The following COL4A2 variants were observed in gnomAD, a reference collection of about 807,000 sequenced individuals.
COL4A2 encodes the protein collagen type IV alpha 2 chain, also known as collagen alpha-2(IV) chain.
Under a neutral mutation model 200.2 loss-of-function variants are expected in COL4A2, and 99 were observed. The observed-to-expected ratio is 0.49, with a 90% CI of 0.42 to 0.58. The LOEUF is 0.58. Ranked by LOEUF, COL4A2 falls within the 20% of genes least tolerant of loss-of-function variation. COL4A2 has a pLI of 0.00. For synonymous variants in COL4A2, 897 were observed against 900.6 expected (o/e 1.00, Z 0.07); for missense variants, 1,950 against 2,314.1 (o/e 0.84, Z 3.23).
intron 4 of COL4A2, among the ~76,000 whole-genome samples, chr13:110,383,306 A>G (rs913787248): frequency 7.9e-5 from 12 of 152,216 alleles, no homozygotes; most frequent in African/African-American, 2.9e-4. Context: ...CTCTTGGGGG[A>G]CAAAAGGAAG....
chr13:110,323,240 A>G (rs948613499), intron 3 of COL4A2, among the ~76,000 whole-genome samples: 8 of 152,136 alleles, frequency 5.3e-5, no homozygotes, highest in Non-Finnish European at 1.2e-4. Flanking sequence ...TTAGATTCCT[A>G]TGACTGGACA....
In COL4A2 at chr13:110,381,448, A is replaced by G. The variant is rs76587274; in HGVS notation, c.180+23896A>G. ...AAAAATCTAAAATACTGTAAATCCT[A>G]TTGGGAAATAACAGTTATTAAACCT... On this transcript the variant is annotated intron_variant, in intron 4 of 47. Coordinates refer to ENST00000360467, the MANE Select transcript of COL4A2 (RefSeq NM_001846.4). Among the ~76,000 whole-genome samples the G allele has an allele frequency of 5.1e-4, 77 of 152,344 alleles. No individual in the cohort carries two copies. In the East Asian group the frequency reaches 0.014, roughly 28 times the overall value.
intron 7 of COL4A2, 58 bp from the exon 8 acceptor site, chr13:110,429,827 C>T (rs1594209444): frequency 7.8e-6 from 12 of 1,539,752 alleles, no homozygotes; most frequent in South Asian, 4.5e-5. Flanking sequence ...ATAGCTGCAC[C>T]GAATGTTAAT....
At chr13:110,409,174 TAC>T (rs1022352951) in intron 4 of COL4A2, among the ~76,000 whole-genome samples, 8 of 151,636 alleles carry the variant, frequency 5.3e-5, no homozygotes, top group African/African-American at 1.7e-4. Context: ...TATACACATG[TAC>T]ACACATACAC....
At position 110,422,309 on chromosome 13, in the gene COL4A2, A is replaced by G. The variant is rs559076087; in HGVS notation, c.181-2425A>G. Among the ~76,000 whole-genome samples the G allele has an allele frequency of 7.9e-5, 12 of 152,344 alleles. No individual in the cohort carries two copies. The South Asian group carries it at 2.1e-3, about 26-fold the overall frequency. Reference sequence around the variant, plus strand: ...GGAATCAAAACATAGTTTGTTCCCAAACTTAACAACAAATGTCGTGTAGGA... The same window carrying G: ...GGAATCAAAACATAGTTTGTTCCCAGACTTAACAACAAATGTCGTGTAGGA... On this transcript the variant is annotated intron_variant, in intron 4 of 47. Coordinates refer to ENST00000360467, the MANE Select transcript of COL4A2 (RefSeq NM_001846.4).
intron 39 of COL4A2, among the ~76,000 whole-genome samples, chr13:110,493,828 C>G (rs1049680161): frequency 6.9e-6 from 1 of 145,276 alleles, no homozygotes; most frequent in African/African-American, 2.5e-5. Context: ...CTGGGGGGGG[C>G]CGCGTCCTGG....
rs752561861 is a variant in COL4A2 at position 110,493,292 on chromosome 13, G to A, written c.3634+10G>A. 6.2e-7 allele frequency: 1 copy of A among 1,613,958 alleles called. No homozygotes were observed. Among genetic ancestry groups the A allele is most frequent in the South Asian group, 1.1e-5 (1 of 91,084 alleles). ...TTTCCAGGATCCCCAGGTACTCTGT[G>A]CCGTCCCAGCCCCGAGTCCCACGCA... On this transcript the variant is annotated intron_variant, in intron 39 of 47. Transcript: ENST00000360467.
At chr13:110,308,012 G>T (rs1293984764) in intron 2 of COL4A2, 57 bp from the exon 3 acceptor site, 1 of 1,611,168 alleles carries the variant, frequency 6.2e-7, no homozygotes, top group African/African-American at 1.3e-5. Flanking sequence ...GTAACTCTCG[G>T]GGACTGACAA....
intron 17 of COL4A2, among the ~76,000 whole-genome samples, chr13:110,446,359 A>T (rs949988914): frequency 2.0e-5 from 3 of 152,154 alleles, no homozygotes; most frequent in Non-Finnish European, 4.4e-5. Flanking sequence ...GGTGAGGCTC[A>T]AAGAGGTGAA....
chr13:110,391,189 G>C (rs545528356), intron 4 of COL4A2, among the ~76,000 whole-genome samples: 143 of 152,356 alleles, frequency 9.4e-4, no homozygotes, highest in Middle Eastern at 3.4e-3. Flanking sequence ...TGGATTGGCT[G>C]TGGTGGGGTC....
At chr13:110,383,584 G>T (rs1398704822) in intron 4 of COL4A2, among the ~76,000 whole-genome samples, 2 of 133,062 alleles carry the variant, frequency 1.5e-5, no homozygotes, top group Non-Finnish European at 1.6e-5. Flanking sequence ...GCAATCAGTG[G>T]TTATTTTGTG....
intron 4 of COL4A2, among the ~76,000 whole-genome samples, chr13:110,418,806 T>C (rs758942271): frequency 3.3e-5 from 5 of 152,226 alleles, no homozygotes; most frequent in Non-Finnish European, 5.9e-5. Context: ...ATCTGTGTAA[T>C]ATACTGTACA....
intron 27 of COL4A2, among the ~76,000 whole-genome samples, 176 bp downstream of exon 27, chr13:110,467,272 A>G (rs1376334135): frequency 6.6e-6 from 1 of 152,186 alleles, no homozygotes; most frequent in Non-Finnish European, 1.5e-5. Context: ...GTCATTTGCC[A>G]CTATAGAAAA....
intron 3 of COL4A2, among the ~76,000 whole-genome samples, chr13:110,331,114 A>G (rs959604298): frequency 1.3e-5 from 2 of 152,106 alleles, no homozygotes; most frequent in African/African-American, 4.8e-5. Context: ...AAAGATCACA[A>G]TGGTCTTACC....
intron 4 of COL4A2, among the ~76,000 whole-genome samples, chr13:110,423,591 T>C (rs1425191575): frequency 6.6e-6 from 1 of 152,240 alleles, no homozygotes; most frequent in South Asian, 2.1e-4. Context: ...TTGAGTCATA[T>C]TGGCGTGTCT....
intron 25 of COL4A2, 124 bp from the exon 26 acceptor site, chr13:110,465,879 A>C: frequency 1.6e-6 from 2 of 1,239,264 alleles, no homozygotes; most frequent in Non-Finnish European, 2.3e-6. Context: ...GCCCATTTCA[A>C]AGCCTTCCTG....
At chr13:110,424,696 G>C in intron 4 of COL4A2, 38 bp from the exon 5 acceptor site, 3 of 1,467,472 alleles carry the variant, frequency 2.0e-6, no homozygotes, top group Non-Finnish European at 2.8e-6. Context: ...TATGTATTGT[G>C]ATTAATCGTG....
chr13:110,495,830 G>A (rs1049100700), intron 40 of COL4A2, among the ~76,000 whole-genome samples: 1 of 152,182 alleles, frequency 6.6e-6, no homozygotes. Flanking sequence ...TCCTAGCAGA[G>A]CCACGCTGAC....
chr13:110,472,906 G>T, intron 28 of COL4A2, 23 bp from the exon 29 acceptor site: 1 of 1,545,916 alleles, frequency 6.5e-7, no homozygotes, highest in Non-Finnish European at 8.8e-7. Flanking sequence ...TGTGGTTTGG[G>T]GCCCACCCAT....
Sources: allele counts gnomAD v4.1 joint callset (sites outside exome capture counted in the v4.1 genomes callset), GRCh38; gene constraint gnomAD v4.1.1; transcripts MANE v1.5; gene names NCBI Gene and HGNC (gene_info 2026-07-23, HGNC 2026-07-21).